The following USP24 variants were observed in gnomAD, a reference collection of about 807,000 sequenced individuals.
The protein encoded by USP24 is ubiquitin specific peptidase 24, also known as ubiquitin carboxyl-terminal hydrolase 24.
A neutral mutation model predicts 361.6 loss-of-function variants in USP24; 97 were observed. The observed-to-expected ratio is 0.27, with a 90% confidence interval of 0.23 to 0.32. USP24 has a LOEUF of 0.32. Ranked by LOEUF, USP24 falls within the 10% of genes least tolerant of loss-of-function variation. USP24 has a pLI of 1.00. For synonymous variants in USP24, 1,098 were observed against 1,124.6 expected (o/e 0.98, Z 0.47); for missense variants, 2,353 against 3,165.6 (o/e 0.74, Z 6.16).
At chr1:55,144,890 T>A (rs1646986713) in intron 20 of USP24, among the ~76,000 whole-genome samples, 1 of 152,088 alleles carries the variant, frequency 6.6e-6, no homozygotes, top group African/African-American at 2.4e-5. Flanking sequence ...GCCAGGATGG[T>A]GCCACTGCAC....
intron 12 of USP24, 22 bp downstream of exon 12, chr1:55,156,926 A>G (rs1194651287): frequency 6.3e-7 from 1 of 1,586,522 alleles, no homozygotes; most frequent in Non-Finnish European, 8.6e-7. Context: ...GCCAAAGGCA[A>G]AAATAATTCT....
intron 67 of USP24, among the ~76,000 whole-genome samples, chr1:55,070,051 T>C (rs659134): frequency 1 from 151,792 of 151,884 alleles, 75,850 homozygotes; most frequent in Middle Eastern, 1. Flanking sequence ...TCCTTACAGA[T>C]GTAGGCAGAG....
chr1:55,172,442 C>T lies in USP24; in HGVS notation c.637G>A (p.Glu213Lys). The change falls in exon 4 of 68, where the codon GAA becomes AAA. Residue 213 changes from glutamate (E) to lysine (K), a missense_variant. Physicochemically the swap from Glu to Lys is moderately conservative, Grantham distance 56. This residue lies in a region of USP24 where 386 missense variants were observed against 560.5 expected (regional missense o/e 0.69). Transcript: ENST00000294383. ...GIYNMLMLLIELVAERIKQDP... is the reference protein window; with the variant it reads ...GIYNMLMLLIKLVAERIKQDP... ...TGTTTTATTCTCTCTGCGACCAGTTCTATTAATAGCATCAACATGTTGTAA... is the reference window on the plus strand; with the variant it reads ...TGTTTTATTCTCTCTGCGACCAGTTTTATTAATAGCATCAACATGTTGTAA... The T allele has an allele frequency of 6.2e-7, 1 of 1,613,550 alleles. No homozygotes were observed. Among genetic ancestry groups the T allele is most frequent in the East Asian group, 2.2e-5 (1 of 44,792 alleles).
At position 55,107,861 on chromosome 1, in the gene USP24, A is replaced by AG. The variant is rs1333979227; in HGVS notation, c.4571-432_4571-431insC. ...TGTCTCAAAAAAAAAAAAAAAAAAAAAAAAACACACAAAAACCCCACAAAA... is the reference window on the plus strand; with the variant it reads ...TGTCTCAAAAAAAAAAAAAAAAAAAAGAAAAACACACAAAAACCCCACAAAA... On this transcript the variant is annotated intron_variant, in intron 39 of 67. Transcript: ENST00000294383. 2.7e-3 allele frequency among the ~76,000 whole-genome samples: 401 copies of AG among 150,152 alleles called. 2 individuals carry two copies. The highest frequency in any genetic ancestry group is 9.6e-3 in the African/African-American group (390 of 40,740).
Position 55,162,271 on chromosome 1 carries a change from A to C in USP24, c.928-7T>G. The C allele has an allele frequency of 6.4e-7, 1 of 1,550,918 alleles. No individual in the cohort carries two copies. Among genetic ancestry groups the C allele is most frequent in the Non-Finnish European group, 8.7e-7 (1 of 1,153,418 alleles). ...GAATCAGTGCTGAGACAGCCTGGAA[A>C]AAGACAGTGAAGATTAAAAATACAT... On this transcript the variant is annotated splice_region_variant and splice_polypyrimidine_tract_variant and intron_variant, in intron 7 of 67. Transcript: ENST00000294383.
intron 3 of USP24, among the ~76,000 whole-genome samples, chr1:55,173,403 T>C (rs1165223): frequency 0.75 from 113,447 of 152,088 alleles, 43,604 homozygotes; most frequent in East Asian, 0.96. Flanking sequence ...CTTAGATTCC[T>C]TAAAAAGTAG....
rs1299056143 is a variant in USP24 at position 55,100,871 on chromosome 1, G to A, written c.5239C>T (p.Leu1747=). Residue 1747 remains leucine, a synonymous_variant, in exon 44 of 68, where the codon CTG becomes TTG. Coordinates refer to ENST00000294383, the MANE Select transcript of USP24 (RefSeq NM_015306.3). ...SLFGHLMESK[L]QYYVPENFWK... is the part of the protein sequence containing the mutation. ...AAATTCTCAGGTACATAGTACTGCA[G>A]CTTGCTTTCCATTAAATGTCCAAAG... The A allele has an allele frequency of 6.8e-6, 11 of 1,613,466 alleles. No individual in the cohort carries two copies. The highest frequency in any genetic ancestry group is 9.3e-6 in the Non-Finnish European group (11 of 1,179,656).
intron 1 of USP24, among the ~76,000 whole-genome samples, chr1:55,187,591 G>A (rs1211407203): frequency 6.6e-6 from 1 of 152,146 alleles, no homozygotes; most frequent in African/African-American, 2.4e-5. Flanking sequence ...GTTCAGCAAG[G>A]CTGCAGAATA....
At chr1:55,142,560 A>G (rs948160897) in intron 23 of USP24, among the ~76,000 whole-genome samples, 182 bp downstream of exon 23, 12 of 152,266 alleles carry the variant, frequency 7.9e-5, no homozygotes, top group African/African-American at 2.9e-4. Context: ...AAGATTTCCT[A>G]TAGAGTACAC....
chr1:55,138,882 G>A (rs1165930687), intron 25 of USP24, 62 bp downstream of exon 25: 8 of 1,538,012 alleles, frequency 5.2e-6, no homozygotes, highest in Non-Finnish European at 6.2e-6. Context: ...AAAGGCTGAG[G>A]TGGGAAGATC....
intron 1 of USP24, among the ~76,000 whole-genome samples, chr1:55,184,273 T>C (rs1457645709): frequency 6.6e-6 from 1 of 152,056 alleles, no homozygotes; most frequent in African/African-American, 2.4e-5. Flanking sequence ...CCGAGGCTGG[T>C]CTCAAACTCC....
intron 1 of USP24, among the ~76,000 whole-genome samples, chr1:55,198,155 T>C (rs1171403592): frequency 1.1e-4 from 1 of 8,924 alleles, no homozygotes; most frequent in Non-Finnish European, 5.3e-3. Flanking sequence ...TAAAAATAAT[T>C]TTTTTTTTTA....
rs1644946943 is a variant in USP24 at position 55,072,791 on chromosome 1, T to G, written c.7597A>C (p.Lys2533Gln). 2.5e-6 allele frequency: 4 copies of G among 1,599,436 alleles called. No homozygotes were observed. The highest frequency in any genetic ancestry group is 3.4e-6 in the Non-Finnish European group (4 of 1,172,838). ...HWSWAVQWLQ[K>Q]KMSEHYWTPQ... ...AAAATTCAATGTTCAGTTACCTTCT[T>G]CTGTAGCCACTGCACAGCCCAGCTC... The change falls in exon 65 of 68, where the codon AAG becomes CAG. Residue 2533 changes from lysine (K) to glutamine (Q), a missense_variant. By Grantham distance (53) the Lys-to-Gln change is moderately conservative. Transcript: ENST00000294383.
chr1:55,139,148 C>T (rs1195315250), intron 24 of USP24, 138 bp from the exon 25 acceptor site: 7 of 723,518 alleles, frequency 9.7e-6, no homozygotes, highest in Non-Finnish European at 1.6e-5. Context: ...GATTAAACTT[C>T]CCTTTTACCC....
rs143480931 is a variant in USP24 at position 55,196,758 on chromosome 1, G to C, written c.324+18032C>G. ...TGGTATCTCCCTGTTGAAAACCTTC[G>C]ATGCCTTTGTTCCTATTCTGACAAA... On this transcript the variant is annotated intron_variant, in intron 1 of 67. Coordinates refer to ENST00000294383, the MANE Select transcript of USP24 (RefSeq NM_015306.3). Among the ~76,000 whole-genome samples the C allele has an allele frequency of 2.5e-3, 382 of 152,222 alleles. 3 individuals carry two copies. Among genetic ancestry groups the C allele is most frequent in the South Asian group, 0.018 (89 of 4,820 alleles).
chr1:55,079,530 G>A lies in USP24; in HGVS notation c.7200+8C>T, dbSNP rs778164937. ...GAAAAAAATGGCTTTAGAATAACAA[G>A]TACATACCTCTAACAGGTAAGGTTT... On this transcript the variant is annotated splice_region_variant and intron_variant, in intron 60 of 67. Coordinates refer to ENST00000294383, the MANE Select transcript of USP24 (RefSeq NM_015306.3). The A allele has an allele frequency of 6.4e-7, 1 of 1,568,788 alleles. No homozygotes were observed. Among genetic ancestry groups the A allele is most frequent in the Admixed American group, 2.0e-5 (1 of 48,800 alleles).
Position 55,120,702 on chromosome 1 carries a change from C to T in USP24, c.4402G>A (p.Ala1468Thr), listed in dbSNP as rs1441875986. Residue 1468 changes from alanine (A) to threonine (T), a missense_variant, in exon 38 of 68, where the codon GCG becomes ACG. This residue lies in a region of USP24 where 949 missense variants were observed against 1,280.5 expected (regional missense o/e 0.74). Coordinates refer to ENST00000294383, the MANE Select transcript of USP24 (RefSeq NM_015306.3). ...LYTLSQTDTS[A>T]HPDVQKPNQF... Reference sequence around the variant, plus strand: ...TTTGGCTTCTGCACATCTGGATGCGCTGATGTGTCTGTCTGACTAAGAGTG... The same window carrying T: ...TTTGGCTTCTGCACATCTGGATGCGTTGATGTGTCTGTCTGACTAAGAGTG... 3 of 1,574,660 alleles carry T rather than the reference C, an allele frequency of 1.9e-6. No individual in the cohort carries two copies. The highest frequency in any genetic ancestry group is 2.6e-6 in the Non-Finnish European group (3 of 1,158,892).
chr1:55,081,443 A>G lies in USP24; in HGVS notation c.6976-19T>C. 1 of 1,610,552 alleles carries G rather than the reference A, an allele frequency of 6.2e-7. No homozygotes were observed. The highest frequency in any genetic ancestry group is 1.3e-5 in the African/African-American group (1 of 74,958). ...GACGTATCTGTCATCAGGGAAGATA[A>G]AGTGGCTGTTAGTGTTGTCGTCAGA... On this transcript the variant is annotated intron_variant, in intron 58 of 67. Transcript: ENST00000294383.
At chr1:55,202,074 C>A (rs1035414967) in intron 1 of USP24, among the ~76,000 whole-genome samples, 3 of 152,184 alleles carry the variant, frequency 2.0e-5, no homozygotes, top group African/African-American at 7.2e-5. Flanking sequence ...ATAAGAGGAT[C>A]TAGCAAATTT....
Sources: gnomAD v4.1 joint callset for allele counts (sites outside exome capture counted in the v4.1 genomes callset) on GRCh38, gnomAD v4.1.1 for gene constraint, gnomAD v4.1.1 regional missense constraint, MANE v1.5 for transcripts, NCBI Gene and HGNC (gene_info 2026-07-23, HGNC 2026-07-21) for gene names.